The following IGSF11 variants were observed in gnomAD, a reference collection of about 807,000 sequenced individuals.
IGSF11 encodes the protein CXADR like 1.
Under a neutral mutation model 41.0 loss-of-function variants are expected in IGSF11, and 22 were observed. The observed-to-expected ratio is 0.54, with a 90% CI of 0.38 to 0.77. The LOEUF (loss-of-function observed/expected upper bound fraction) is 0.77. Among genes scored for constraint, IGSF11 ranks in the 30% least tolerant of loss-of-function variants. IGSF11 has a pLI of 0.00. For synonymous variants in IGSF11, 219 were observed against 201.3 expected (o/e 1.09, Z -0.74); for missense variants, 444 against 530.8 (o/e 0.84, Z 1.61).
intron 1 of IGSF11, among the ~76,000 whole-genome samples, chr3:119,045,871 C>T (rs1162905750): frequency 6.6e-6 from 1 of 152,094 alleles, no homozygotes; most frequent in Non-Finnish European, 1.5e-5. Context: ...GAGGCACCCC[C>T]CAGCAGGGGC....
chr3:118,936,486 G>A lies in IGSF11; in HGVS notation c.53-6211C>T, dbSNP rs563479768. Among the ~76,000 whole-genome samples, 10 of 143,070 alleles carry A rather than the reference G, an allele frequency of 7.0e-5. No homozygotes were observed. In the South Asian group the frequency reaches 8.8e-4, roughly 13 times the overall value. The allele number at this position is 143,070 out of a possible 152,430, so 93.9% of individuals were successfully genotyped here. A position where few individuals can be genotyped will look rare whatever the true frequency, so the allele number is the denominator to read the frequency against. ...TGCACTACTGCAATCCAACCTGGGC[G>A]ACAAAGTGAGATTTCATCTCAAAAA... is the stretch of plus-strand genomic sequence containing the variant. On this transcript the variant is annotated intron_variant, in intron 1 of 6. Transcript: ENST00000393775.
chr3:119,007,345 T>C (rs964308547), intron 1 of IGSF11, among the ~76,000 whole-genome samples: 2 of 142,626 alleles, frequency 1.4e-5, no homozygotes, highest in Admixed American at 1.4e-4. Context: ...GCGCACTCAC[T>C]GGCCTGCGCC....
intron 1 of IGSF11, among the ~76,000 whole-genome samples, chr3:119,008,185 C>T (rs1417679476): frequency 2.6e-5 from 4 of 151,744 alleles, no homozygotes; most frequent in African/African-American, 9.7e-5. Flanking sequence ...ACAAAAAAAA[C>T]GTAAATAAAA....
At chr3:119,029,494 G>C (rs544822073) in intron 1 of IGSF11, among the ~76,000 whole-genome samples, 1 of 152,258 alleles carries the variant, frequency 6.6e-6, no homozygotes, top group Admixed American at 6.5e-5. Context: ...TCCTTGAAAT[G>C]GGTAGAGCTG....
rs539584657 is a variant in IGSF11, at chr3:119,059,293, TATGTG to T, written c.49+45846_49+45850del. ...TGGATGGAGTTGGAGACCATTATTC[TATGTG>T]AAGTAACTGAGGAATGTAAAACCAA... On this transcript the variant is annotated intron_variant, in intron 1 of 6. Transcript: ENST00000354673. Among the ~76,000 whole-genome samples the T allele has an allele frequency of 5.0e-3, 759 of 152,236 alleles. 1 individual carries two copies. The highest frequency in any genetic ancestry group is 0.012 in the Admixed American group (179 of 15,290).
intron 1 of IGSF11, chr3:118,983,304 A>C (rs1211216734): frequency 1.3e-5 from 2 of 152,230 alleles, no homozygotes; most frequent in African/African-American, 4.8e-5. Context: ...ACTGAGGTTC[A>C]AATAAGTTAA....
upstream of IGSF11, among the ~76,000 whole-genome samples, chr3:119,109,274 A>T (rs1225395937): frequency 1.3e-5 from 2 of 150,318 alleles, no homozygotes; most frequent in African/African-American, 2.5e-5. Flanking sequence ...AGATCCTGTT[A>T]TTGGTCTATT....
At position 118,995,340 on chromosome 3, in the gene IGSF11, G is replaced by C. The variant is rs149589580; in HGVS notation, c.52+39191C>G. On this transcript the variant is annotated intron_variant, in intron 1 of 6. Coordinates refer to ENST00000393775, the MANE Select transcript of IGSF11 (RefSeq NM_001015887.3). The stretch of plus-strand genomic sequence containing the variant: ...TTCTGGTTGAAACACTGGAAGGCCT[G>C]GAGCCCTGTACAGGCAATGATCACC... Among the ~76,000 whole-genome samples, 374 of 152,238 alleles carry C rather than the reference G, an allele frequency of 2.5e-3. 2 individuals carry two copies. The highest frequency in any genetic ancestry group is 8.3e-3 in the African/African-American group (344 of 41,544).
At chr3:119,081,326 T>G (rs2076582648) in intron 1 of IGSF11, among the ~76,000 whole-genome samples, 2 of 152,174 alleles carry the variant, frequency 1.3e-5, no homozygotes, top group African/African-American at 4.8e-5. Context: ...TTCCCTCTAC[T>G]TTTTATTGCT....
At position 118,902,142 on chromosome 3, in the gene IGSF11, A is replaced by T; in HGVS notation, c.*378T>A. 5.6e-6 allele frequency: 1 copy of T among 179,554 alleles called. No homozygotes were observed. Among genetic ancestry groups the T allele is most frequent in the Non-Finnish European group, 1.2e-5 (1 of 84,164 alleles). 11.1% of individuals were successfully genotyped at this position (179,554 alleles called of 1,614,324 possible). On this transcript the variant is annotated 3_prime_UTR_variant, in exon 7 of 7. Coordinates refer to ENST00000393775, the MANE Select transcript of IGSF11 (RefSeq NM_001015887.3). ...TTAAAGACACCTACCTTTTAAAATAATTTCAATATTTAAACTCCATCTGGC... is the reference window on the plus strand; with the variant it reads ...TTAAAGACACCTACCTTTTAAAATATTTTCAATATTTAAACTCCATCTGGC...
intron 1 of IGSF11, among the ~76,000 whole-genome samples, chr3:119,138,344 T>C (rs1217311632): frequency 6.6e-6 from 1 of 152,136 alleles, no homozygotes; most frequent in Non-Finnish European, 1.5e-5. Flanking sequence ...GATTAATGGA[T>C]TTTTTAAATG....
At chr3:119,082,695 G>A (rs1216647517) in intron 1 of IGSF11, among the ~76,000 whole-genome samples, 1 of 152,072 alleles carries the variant, frequency 6.6e-6, no homozygotes, top group Non-Finnish European at 1.5e-5. Context: ...GTTTCATTGG[G>A]TGCAATATAA....
At chr3:119,113,153 T>G (rs1011613364) in intron 1 of IGSF11, among the ~76,000 whole-genome samples, 2 of 152,078 alleles carry the variant, frequency 1.3e-5, no homozygotes, top group African/African-American at 4.8e-5. Context: ...TGACATGAGA[T>G]TTGGGTGGGG....
intron 1 of IGSF11, among the ~76,000 whole-genome samples, chr3:118,955,651 T>C (rs916823060): frequency 6.6e-6 from 1 of 151,960 alleles, no homozygotes; most frequent in African/African-American, 2.4e-5. Context: ...TCTCGACAGG[T>C]GGCTTAAAAT....
At chr3:119,054,992 C>A (rs1402817949) in intron 1 of IGSF11, among the ~76,000 whole-genome samples, 1 of 152,152 alleles carries the variant, frequency 6.6e-6, no homozygotes. Flanking sequence ...TTCAGAGGAA[C>A]AATCAGGCAG....
At chr3:118,996,824 C>A (rs1316031456) in intron 1 of IGSF11, among the ~76,000 whole-genome samples, 1 of 152,140 alleles carries the variant, frequency 6.6e-6, no homozygotes, top group Non-Finnish European at 1.5e-5. Flanking sequence ...TGATCTCGAT[C>A]TCCTGACCTT....
rs542401660 is a variant in IGSF11, at chr3:119,115,888, T to C, written c.-13-10683A>G. ...TGATTCCCTCAAAAATTTATAAAAG[T>C]GGTGCAAAACTTTATTTGCTATCAC... On this transcript the variant is annotated intron_variant, in intron 1 of 7. Coordinates refer to the IGSF11 transcript ENST00000425327. Among the ~76,000 whole-genome samples the C allele has an allele frequency of 1.4e-4, 21 of 152,310 alleles. No individual in the cohort carries two copies. The East Asian group carries it at 4.0e-3, about 29-fold the overall frequency.
At chr3:119,044,280 G>A (rs944566615) in intron 1 of IGSF11, among the ~76,000 whole-genome samples, 4 of 152,004 alleles carry the variant, frequency 2.6e-5, no homozygotes, top group Non-Finnish European at 5.9e-5. Flanking sequence ...GGAAGTTTCA[G>A]CAATCAAATC....
At chr3:119,004,190 G>C (rs1024336214) in intron 1 of IGSF11, among the ~76,000 whole-genome samples, 5 of 149,196 alleles carry the variant, frequency 3.4e-5, no homozygotes, top group African/African-American at 1.3e-4. Flanking sequence ...GTTTAGTCTT[G>C]GGAGAGTGTA....
Sources: allele counts gnomAD v4.1 joint callset (sites outside exome capture counted in the v4.1 genomes callset), GRCh38; gene constraint gnomAD v4.1.1; transcripts MANE v1.5; gene names NCBI Gene and HGNC (gene_info 2026-07-23, HGNC 2026-07-21).